UNC5D: variants seen among roughly 807,000 people sequenced by gnomAD.
The protein encoded by UNC5D is netrin receptor UNC5D.
A neutral mutation model predicts 105.4 loss-of-function variants in UNC5D; 39 were observed. That is an observed-to-expected ratio of 0.37 (90% CI 0.29 to 0.48). UNC5D has a LOEUF of 0.48. Ranked by LOEUF, UNC5D falls within the 20% of genes least tolerant of loss-of-function variation. The pLI, the probability that UNC5D is intolerant of heterozygous loss-of-function variation, is 0.98. For missense variants in UNC5D, 991 were observed against 1,202.4 expected, an observed-to-expected ratio of 0.82 and a Z score of 2.60; for synonymous variants, 452 against 450.4, an observed-to-expected ratio of 1.00 and a Z score of -0.04.
intron 1 of UNC5D, among the ~76,000 whole-genome samples, chr8:35,368,225 A>G (rs1475895121): frequency 1.3e-5 from 2 of 152,340 alleles, no homozygotes; most frequent in South Asian, 4.1e-4. Context: ...TCAAACCTGT[A>G]GAGAGGCTGA....
At chr8:35,287,797 C>T (rs1234376258) in intron 1 of UNC5D, among the ~76,000 whole-genome samples, 1 of 151,780 alleles carries the variant, frequency 6.6e-6, no homozygotes, top group Non-Finnish European at 1.5e-5. Flanking sequence ...GAGTGAGACC[C>T]TGTCTCAAAA....
intron 1 of UNC5D, among the ~76,000 whole-genome samples, chr8:35,439,036 T>C (rs1428355464): frequency 6.6e-6 from 1 of 152,004 alleles, no homozygotes; most frequent in Admixed American, 6.6e-5. Flanking sequence ...CATTGATTTT[T>C]TTTTTTCTAA....
rs1186083995 is a variant in UNC5D at position 35,729,676 on chromosome 8, C to T, written c.1682-1336C>T. Among the ~76,000 whole-genome samples, 8 of 152,230 alleles carry T rather than the reference C, an allele frequency of 5.3e-5. No individual in the cohort carries two copies. The East Asian group carries it at 1.2e-3, about 22-fold the overall frequency. On this transcript the variant is annotated intron_variant, in intron 10 of 16. Coordinates refer to ENST00000404895, the MANE Select transcript of UNC5D (RefSeq NM_080872.4). ...GCAGCAGGGAGGTTTATAATGGAGG[C>T]CCCTTCATTTGGCAACTACATTTAA...
chr8:35,428,344 C>A (rs1266678048), intron 1 of UNC5D, among the ~76,000 whole-genome samples: 2 of 90,642 alleles, frequency 2.2e-5, no homozygotes, highest in Admixed American at 1.2e-4. Flanking sequence ...CCATGCCTGG[C>A]TATTTTTTTT....
At chr8:35,712,255 AGT>A in intron 8 of UNC5D, among the ~76,000 whole-genome samples, 1 of 152,216 alleles carries the variant, frequency 6.6e-6, no homozygotes, top group Non-Finnish European at 1.5e-5. Context: ...TGGACGACAG[AGT>A]GAGACTCCAT....
chr8:35,461,168 T>C (rs190966828), intron 1 of UNC5D, among the ~76,000 whole-genome samples: 37 of 152,250 alleles, frequency 2.4e-4, no homozygotes, highest in African/African-American at 8.9e-4. Flanking sequence ...TAGCAGAAAG[T>C]TACAGAGCTC....
chr8:35,404,618 C>T (rs777552055), intron 1 of UNC5D, among the ~76,000 whole-genome samples: 4 of 152,022 alleles, frequency 2.6e-5, no homozygotes, highest in Non-Finnish European at 5.9e-5. Context: ...GACGGAGTCT[C>T]GCTCTGTTGC....
chr8:35,442,921 CACACACACACACACA>C (rs1807526609), intron 1 of UNC5D, among the ~76,000 whole-genome samples: 1 of 151,254 alleles, frequency 6.6e-6, no homozygotes, highest in Non-Finnish European at 1.5e-5. Context: ...CACACACACA[CACACACACACACACA>C]ACACACACAC....
intron 1 of UNC5D, among the ~76,000 whole-genome samples, chr8:35,472,907 T>C (rs1809838984): frequency 6.6e-6 from 1 of 152,136 alleles, no homozygotes; most frequent in African/African-American, 2.4e-5. Flanking sequence ...CATCCAAATG[T>C]TGGATTTTCC....
chr8:35,361,408 A>G (rs190445682), intron 1 of UNC5D, among the ~76,000 whole-genome samples: 4 of 152,308 alleles, frequency 2.6e-5, no homozygotes, highest in Admixed American at 2.0e-4. Flanking sequence ...ATGTGACCTT[A>G]TGTTAAGACT....
chr8:35,567,674 A>G (rs1352146559), intron 2 of UNC5D, among the ~76,000 whole-genome samples: 1 of 152,118 alleles, frequency 6.6e-6, no homozygotes, highest in Non-Finnish European at 1.5e-5. Flanking sequence ...GACTGTTACA[A>G]TGACTCACCC....
chr8:35,448,723 A>C (rs1039038460), intron 1 of UNC5D, among the ~76,000 whole-genome samples: 3 of 152,084 alleles, frequency 2.0e-5, no homozygotes, highest in Admixed American at 2.0e-4. Flanking sequence ...AATAATGTTC[A>C]TTGTACCCAT....
At chr8:35,433,128 C>T (rs1229903331) in intron 1 of UNC5D, among the ~76,000 whole-genome samples, 1 of 152,150 alleles carries the variant, frequency 6.6e-6, no homozygotes, top group African/African-American at 2.4e-5. Context: ...CATTGACTAT[C>T]TTTGCATGAA....
intron 1 of UNC5D, among the ~76,000 whole-genome samples, chr8:35,336,810 T>A (rs1022130393): frequency 1.3e-5 from 2 of 152,024 alleles, no homozygotes; most frequent in African/African-American, 4.8e-5. Context: ...TTTTCTTTAT[T>A]TTTAGTTTAC....
intron 1 of UNC5D, chr8:35,255,893 A>T (rs888086296): frequency 6.6e-6 from 1 of 152,234 alleles, no homozygotes; most frequent in South Asian, 2.1e-4. Flanking sequence ...AAAGTGATTT[A>T]TTAATAAACT....
intron 1 of UNC5D, among the ~76,000 whole-genome samples, chr8:35,258,143 T>C (rs1804210976): frequency 6.6e-6 from 1 of 152,168 alleles, no homozygotes; most frequent in Non-Finnish European, 1.5e-5. Flanking sequence ...TGATGCTTTC[T>C]TGCTGCATCG....
intron 1 of UNC5D, among the ~76,000 whole-genome samples, chr8:35,364,343 A>G (rs955019350): frequency 1.3e-5 from 2 of 152,022 alleles, no homozygotes; most frequent in Non-Finnish European, 2.9e-5. Flanking sequence ...TTTGTTGGTC[A>G]AAATTATCCC....
intron 4 of UNC5D, among the ~76,000 whole-genome samples, chr8:35,664,466 T>C (rs948074020): frequency 1.3e-5 from 2 of 152,082 alleles, no homozygotes; most frequent in Non-Finnish European, 2.9e-5. Context: ...CCCTCTGGCT[T>C]CTGGGTTCAA....
At position 35,650,477 on chromosome 8, in the gene UNC5D, A is replaced by G. The variant is rs550538246; in HGVS notation, c.571-33070A>G. Among the ~76,000 whole-genome samples, 21 of 152,008 alleles carry G rather than the reference A, an allele frequency of 1.4e-4. No homozygotes were observed. In the South Asian group the frequency reaches 4.4e-3, roughly 32 times the overall value. On this transcript the variant is annotated intron_variant, in intron 4 of 16. Transcript: ENST00000404895. Reference sequence around the variant, plus strand: ...AAGGAACTACTGTCTTTTTGTTTCTATTTTTGTTTTTTTGAGTTTCACTCT... The same window carrying G: ...AAGGAACTACTGTCTTTTTGTTTCTGTTTTTGTTTTTTTGAGTTTCACTCT...
Sources: gnomAD v4.1 joint callset for allele counts (sites outside exome capture counted in the v4.1 genomes callset) on GRCh38, gnomAD v4.1.1 for gene constraint, MANE v1.5 for transcripts, NCBI Gene and HGNC (gene_info 2026-07-23, HGNC 2026-07-21) for gene names.